Variants in YTHDC2 observed in about 807,000 individuals in gnomAD.
YTHDC2 encodes YTH N6-methyladenosine RNA binding protein C2.
In YTHDC2, 45 loss-of-function variants were observed where a neutral mutation model predicts 174.9. That is an observed-to-expected ratio of 0.26 (90% CI 0.20 to 0.33). YTHDC2 has a LOEUF of 0.33. YTHDC2 is among the 10% of genes least tolerant of loss of function. The pLI is 1.00. For missense variants in YTHDC2, 1,650 were observed against 1,723.7 expected, an observed-to-expected ratio of 0.96 and a Z score of 0.76; for synonymous variants, 657 against 574.5, an observed-to-expected ratio of 1.14 and a Z score of -2.05.
intron 23 of YTHDC2, among the ~76,000 whole-genome samples, chr5:113,575,152 C>T (rs747662171): frequency 5.9e-5 from 9 of 152,138 alleles, no homozygotes; most frequent in Admixed American, 1.3e-4. Flanking sequence ...TTGTGAGTGC[C>T]GCAGACTGCA....
intron 2 of YTHDC2, among the ~76,000 whole-genome samples, chr5:113,523,777 C>G (rs974352714): frequency 4.6e-5 from 7 of 151,970 alleles, no homozygotes; most frequent in Non-Finnish European, 1.0e-4. Context: ...TTTGATATCA[C>G]TCTTATGGTG....
In YTHDC2 at chr5:113,548,994, A is replaced by G; in HGVS notation, c.1662A>G (p.Glu554=). 3.1e-6 allele frequency: 5 copies of G among 1,613,130 alleles called. No homozygotes were observed. Among genetic ancestry groups the G allele is most frequent in the Non-Finnish European group, 4.2e-6 (5 of 1,179,412 alleles). Residue 554 remains glutamate (E), a synonymous_variant, in exon 12 of 30, where the codon GAA becomes GAG. Transcript: ENST00000161863. ...LDWAKHFGQT[E]IVDLLESYSA... is the part of the protein sequence containing the mutation. ...GGGCTAAACACTTTGGGCAGACTGA[A>G]ATTGTGGATCTTCTAGAATCTTACA...
intron 26 of YTHDC2, among the ~76,000 whole-genome samples, chr5:113,590,062 T>C (rs1178699633): frequency 6.7e-6 from 1 of 149,678 alleles, no homozygotes; most frequent in Non-Finnish European, 1.5e-5. Flanking sequence ...GTCTGATTGC[T>C]CATTGCAATC....
At chr5:113,589,974 A>G (rs1361909943) in intron 26 of YTHDC2, among the ~76,000 whole-genome samples, 1 of 152,170 alleles carries the variant, frequency 6.6e-6, no homozygotes, top group Non-Finnish European at 1.5e-5. Context: ...AAATGCAAGT[A>G]CAAATTTTAT....
chr5:113,569,763 G>GA (rs1311672167), intron 23 of YTHDC2, among the ~76,000 whole-genome samples: 1 of 152,178 alleles, frequency 6.6e-6, no homozygotes, highest in African/African-American at 2.4e-5. Context: ...AGTATAGCTT[G>GA]AAGTCGGGTA....
At chr5:113,528,194 G>A (rs1774408059) in intron 4 of YTHDC2, among the ~76,000 whole-genome samples, 1 of 152,082 alleles carries the variant, frequency 6.6e-6, no homozygotes, top group Non-Finnish European at 1.5e-5. Context: ...TGAGAATTAT[G>A]GATGCCTGTT....
At chr5:113,585,849 T>C (rs147075514) in intron 26 of YTHDC2, among the ~76,000 whole-genome samples, 7 of 151,948 alleles carry the variant, frequency 4.6e-5, no homozygotes, top group African/African-American at 1.7e-4. Flanking sequence ...CTGAGTAGTA[T>C]TCCATTTCTA....
intron 11 of YTHDC2, 48 bp from the exon 12 acceptor site, chr5:113,548,907 A>G: frequency 6.4e-7 from 1 of 1,552,584 alleles, no homozygotes; most frequent in Non-Finnish European, 8.8e-7. Flanking sequence ...ATCATGAACT[A>G]GTTTTACAAT....
At chr5:113,575,887 G>A (rs1384462046) in intron 23 of YTHDC2, among the ~76,000 whole-genome samples, 2 of 152,246 alleles carry the variant, frequency 1.3e-5, no homozygotes, top group Non-Finnish European at 2.9e-5. Flanking sequence ...TCGCTGATAT[G>A]AAGAGAAGTA....
chr5:113,533,997 G>T (rs1309513042), intron 5 of YTHDC2, among the ~76,000 whole-genome samples: 1 of 152,020 alleles, frequency 6.6e-6, no homozygotes, highest in East Asian at 1.9e-4. Context: ...TTTATTCTCA[G>T]TGGTGATTAA....
intron 26 of YTHDC2, among the ~76,000 whole-genome samples, chr5:113,589,396 A>T (rs1378127485): frequency 3.6e-4 from 9 of 24,704 alleles, no homozygotes; most frequent in Non-Finnish European, 4.4e-4. Flanking sequence ...TTTAAAAATT[A>T]AAAAAAAAAA....
chr5:113,523,624 T>C (rs1774023121), intron 2 of YTHDC2, among the ~76,000 whole-genome samples: 1 of 152,160 alleles, frequency 6.6e-6, no homozygotes, highest in African/African-American at 2.4e-5. Flanking sequence ...CACCAAGTAC[T>C]TTTTAAGGAG....
At chr5:113,585,470 T>G (rs1778629946) in intron 26 of YTHDC2, among the ~76,000 whole-genome samples, 1 of 152,120 alleles carries the variant, frequency 6.6e-6, no homozygotes, top group Non-Finnish European at 1.5e-5. Context: ...TTTTTTGGTT[T>G]ATTTATACAC....
intron 24 of YTHDC2, 134 bp downstream of exon 24, chr5:113,579,829 T>TG (rs1390871659): frequency 1.5e-6 from 2 of 1,296,070 alleles, no homozygotes; most frequent in African/African-American, 1.5e-5. Flanking sequence ...TCAGTTTTCT[T>TG]GGGGACCTCA....
rs180768096 is a variant in YTHDC2, at chr5:113,549,694, C to T, written c.1688+674C>T. Among the ~76,000 whole-genome samples, 45 of 152,198 alleles carry T rather than the reference C, an allele frequency of 3.0e-4. 1 individual carries two copies. The highest frequency in any genetic ancestry group is 1.0e-3 in the African/African-American group (43 of 41,520). ...GTATCTGATATTACAATCTACCCCC[C>T]ACGCAATGTCCATCCTCTTTAACCT... On this transcript the variant is annotated intron_variant, in intron 12 of 29. Coordinates refer to ENST00000161863, the MANE Select transcript of YTHDC2 (RefSeq NM_022828.5).
chr5:113,592,040 G>A lies in YTHDC2; in HGVS notation c.4074G>A (p.Gln1358=). Residue 1358 remains glutamine (Q), a synonymous_variant, in exon 28 of 30, where the codon CAG becomes CAA. Coordinates refer to ENST00000161863, the MANE Select transcript of YTHDC2 (RefSeq NM_022828.5). The part of the protein sequence containing the change: ...MSSEIGREKS[Q]DWGSAGLGGV... Reference sequence around the variant, plus strand: ...CTGAGATTGGAAGGGAAAAGAGTCAGGACTGGGGCTCTGCTGGACTAGGAG... The same window carrying A: ...CTGAGATTGGAAGGGAAAAGAGTCAAGACTGGGGCTCTGCTGGACTAGGAG... The A allele has an allele frequency of 6.2e-7, 1 of 1,612,674 alleles. No individual in the cohort carries two copies. The highest frequency in any genetic ancestry group is 8.5e-7 in the Non-Finnish European group (1 of 1,179,280).
At chr5:113,528,035 A>C (rs567899019) in intron 4 of YTHDC2, among the ~76,000 whole-genome samples, 6 of 152,308 alleles carry the variant, frequency 3.9e-5, no homozygotes, top group African/African-American at 1.4e-4. Flanking sequence ...AGATTGTTAT[A>C]ATTTTTTTAG....
chr5:113,532,299 A>G (rs973473520), intron 4 of YTHDC2, among the ~76,000 whole-genome samples: 3 of 152,210 alleles, frequency 2.0e-5, no homozygotes, highest in African/African-American at 7.2e-5. Context: ...AGATTTCATA[A>G]GTAACAGTAG....
chr5:113,592,967 G>A, intron 28 of YTHDC2: 1 of 170,100 alleles, frequency 5.9e-6, no homozygotes, highest in Non-Finnish European at 1.3e-5. Flanking sequence ...TAAACCTTTG[G>A]AAGTTCCAGC....
Sources: allele counts gnomAD v4.1 joint callset (sites outside exome capture counted in the v4.1 genomes callset), GRCh38; gene constraint gnomAD v4.1.1; transcripts MANE v1.5; gene names NCBI Gene and HGNC (gene_info 2026-07-23, HGNC 2026-07-21).